Variants in RNF138 observed in about 807,000 individuals in gnomAD.
RNF138 encodes ring finger protein 138.
A neutral mutation model predicts 31.0 loss-of-function variants in RNF138; 12 were observed. That is an observed-to-expected ratio of 0.39 (90% CI 0.25 to 0.63). The LOEUF (loss-of-function observed/expected upper bound fraction) is 0.63, where lower values mean the gene tolerates loss of function less well. RNF138 is among the 20% of genes least tolerant of loss of function. The pLI is 0.52. For missense variants in RNF138, 192 were observed against 300.1 expected (o/e 0.64, Z 2.66); for synonymous variants, 105 against 99.5 (o/e 1.06, Z -0.33).
At chr18:32,122,681 G>C (rs1005052569) in intron 4 of RNF138, among the ~76,000 whole-genome samples, 1 of 152,004 alleles carries the variant, frequency 6.6e-6, no homozygotes, top group Non-Finnish European at 1.5e-5. Context: ...AAAATTAGCC[G>C]GTCATGGTGG....
intron 2 of RNF138, among the ~76,000 whole-genome samples, chr18:32,106,572 A>ATTTATTTG (rs560526822): frequency 2.4e-4 from 36 of 150,008 alleles, no homozygotes; most frequent in African/African-American, 8.0e-4. Context: ...TTATTTATTT[A>ATTTATTTG]TTTGTTTATT....
intron 2 of RNF138, among the ~76,000 whole-genome samples, 167 bp downstream of exon 2, chr18:32,093,053 C>G (rs546092662): frequency 6.6e-6 from 1 of 152,010 alleles, no homozygotes; most frequent in South Asian, 2.1e-4. Flanking sequence ...CCCGGGGCGG[C>G]CTTTTCCTCA....
At chr18:32,118,865 T>C (rs2040258944) in intron 4 of RNF138, among the ~76,000 whole-genome samples, 1 of 152,118 alleles carries the variant, frequency 6.6e-6, no homozygotes, top group Non-Finnish European at 1.5e-5. Context: ...ATAATAATCC[T>C]TCATTACATG....
At chr18:32,116,958 G>A (rs1214800300) in intron 4 of RNF138, among the ~76,000 whole-genome samples, 1 of 152,170 alleles carries the variant, frequency 6.6e-6, no homozygotes, top group African/African-American at 2.4e-5. Flanking sequence ...CTGGAGTGCA[G>A]TGGTGCGATC....
chr18:32,100,507 C>A (rs1172488021), intron 2 of RNF138, among the ~76,000 whole-genome samples: 2 of 98,906 alleles, frequency 2.0e-5, no homozygotes, highest in African/African-American at 3.8e-5. Context: ...CGGAGTTTTG[C>A]TCTTGTTGGC....
intron 7 of RNF138, among the ~76,000 whole-genome samples, 198 bp from the exon 8 acceptor site, chr18:32,128,921 C>T (rs2040427817): frequency 1.3e-5 from 2 of 152,126 alleles, no homozygotes; most frequent in African/African-American, 4.8e-5. Context: ...TACAACTGAA[C>T]TTAATGTCTT....
chr18:32,107,280 C>T (rs1473866619), intron 2 of RNF138, among the ~76,000 whole-genome samples: 1 of 151,258 alleles, frequency 6.6e-6, no homozygotes, highest in Non-Finnish European at 1.5e-5. Flanking sequence ...GCTGCCACGC[C>T]CAGCTAATTT....
At chr18:32,102,500 C>G (rs1025393615) in intron 2 of RNF138, among the ~76,000 whole-genome samples, 14 of 151,882 alleles carry the variant, frequency 9.2e-5, no homozygotes, top group Non-Finnish European at 1.5e-4. Context: ...TGTGCCTGGC[C>G]CTTTTTTTTA....
At chr18:32,115,636 T>C (rs1318182231) in intron 4 of RNF138, among the ~76,000 whole-genome samples, 2 of 152,080 alleles carry the variant, frequency 1.3e-5, no homozygotes, top group East Asian at 1.9e-4. Context: ...TCCCAGCTAC[T>C]TGGGAGGCTT....
At chr18:32,104,648 A>G (rs1484845682) in intron 2 of RNF138, among the ~76,000 whole-genome samples, 8 of 152,274 alleles carry the variant, frequency 5.3e-5, no homozygotes, top group African/African-American at 1.9e-4. Flanking sequence ...AAAAATTAAT[A>G]GAAGAAAAAC....
chr18:32,096,306 T>C (rs2039803662), intron 2 of RNF138, among the ~76,000 whole-genome samples: 2 of 152,262 alleles, frequency 1.3e-5, no homozygotes, highest in South Asian at 4.1e-4. Context: ...GGTCATTCAT[T>C]GATGTGTCAG....
At chr18:32,100,201 GAT>G (rs34225221) in intron 2 of RNF138, among the ~76,000 whole-genome samples, 12,272 of 146,418 alleles carry the variant, frequency 0.084, 882 homozygotes, top group East Asian at 0.23. Context: ...TAGTGATTGA[GAT>G]ATATATATAT....
intron 2 of RNF138, among the ~76,000 whole-genome samples, chr18:32,100,452 C>T (rs1052558612): frequency 2.0e-5 from 3 of 149,480 alleles, no homozygotes; most frequent in African/African-American, 7.4e-5. Context: ...CATGTGCCAC[C>T]ACCACACCCA....
In RNF138 at chr18:32,127,639, T is replaced by C. The variant is rs543725634; in HGVS notation, c.669+839T>C. Among the ~76,000 whole-genome samples, 3 of 152,364 alleles carry C rather than the reference T, an allele frequency of 2.0e-5. No individual in the cohort carries two copies. The East Asian group carries it at 5.8e-4, about 29-fold the overall frequency. ...ATATATGTAAAATTTAGGTGCGCTT[T>C]ATTGCTTTAGCAATTTTATAAAGTA... On this transcript the variant is annotated intron_variant, in intron 7 of 7. Transcript: ENST00000261593.
intron 7 of RNF138, 49 bp downstream of exon 7, chr18:32,126,849 T>TA: frequency 3.4e-6 from 4 of 1,166,470 alleles, no homozygotes; most frequent in Non-Finnish European, 5.1e-6. Flanking sequence ...ATATTAAAGT[T>TA]AAAATAACTT....
At chr18:32,124,117 C>T (rs923377290) in intron 5 of RNF138, 4 of 152,658 alleles carry the variant, frequency 2.6e-5, no homozygotes, top group East Asian at 1.9e-4. Flanking sequence ...CTTCCACACA[C>T]GATTCAGGTA....
Position 32,113,753 on chromosome 18 carries a change from C to G in RNF138, c.285C>G (p.Phe95Leu), listed in dbSNP as rs771639268. The change falls in exon 4 of 8, where the codon TTC becomes TTG. Residue 95 changes from phenylalanine to leucine, a missense_variant. By Grantham distance (22) the Phe-to-Leu change is conservative (BLOSUM62 0). Transcript: ENST00000261593. ...ATTTTAATAATTTACAGATTAAATT[C>G]TATCGCATGAGACATCATTACAAAT... ...SCRCCAKQIK[F>L]YRMRHHYKSC... 5 of 1,382,130 alleles carry G rather than the reference C, an allele frequency of 3.6e-6. No homozygotes were observed. Among genetic ancestry groups the G allele is most frequent in the Non-Finnish European group, 4.9e-6 (5 of 1,014,224 alleles). 85.6% of individuals were successfully genotyped at this position (1,382,130 alleles called of 1,614,324 possible).
chr18:32,120,411 T>G (rs1316276265), intron 4 of RNF138, among the ~76,000 whole-genome samples: 1 of 152,216 alleles, frequency 6.6e-6, no homozygotes, highest in Admixed American at 6.5e-5. Flanking sequence ...TCCTATTGAA[T>G]GCAGTAAACC....
intron 2 of RNF138, among the ~76,000 whole-genome samples, chr18:32,107,750 C>G (rs959896048): frequency 1.3e-5 from 2 of 150,912 alleles, no homozygotes; most frequent in African/African-American, 2.4e-5. Context: ...AACTCCTGAC[C>G]TTGTTATCCA....
Sources: gnomAD v4.1 joint callset for allele counts (sites outside exome capture counted in the v4.1 genomes callset) on GRCh38, gnomAD v4.1.1 for gene constraint, MANE v1.5 for transcripts, NCBI Gene and HGNC (gene_info 2026-07-23, HGNC 2026-07-21) for gene names.